Variants in TYW1B observed in about 807,000 individuals in gnomAD.
The protein encoded by TYW1B is tRNA-yW synthesizing protein 1 homolog B, also known as S-adenosyl-L-methionine-dependent tRNA 4-demethylwyosine synthase TYW1B.
Under a neutral mutation model 86.9 loss-of-function variants are expected in TYW1B, and 73 were observed. The ratio of observed to expected loss-of-function variants is 0.84; its 90% CI spans 0.70 to 1.02. TYW1B has a LOEUF of 1.02. TYW1B is among the 50% of genes least tolerant of loss of function. TYW1B has a pLI of 0.00. For missense variants in TYW1B, 637 were observed against 827.4 expected, an observed-to-expected ratio of 0.77 and a Z score of 2.82; for synonymous variants, 248 against 292.8, an observed-to-expected ratio of 0.85 and a Z score of 1.56.
chr7:72,682,274 T>C (rs1563057610), intron 11 of TYW1B, among the ~76,000 whole-genome samples: 1 of 151,778 alleles, frequency 6.6e-6, no homozygotes, highest in South Asian at 2.1e-4. Context: ...GAACAGCACA[T>C]ATATCAAGTT....
At chr7:72,620,074 C>A (rs1406383857) in intron 12 of TYW1B, among the ~76,000 whole-genome samples, 1 of 152,134 alleles carries the variant, frequency 6.6e-6, no homozygotes, top group African/African-American at 2.4e-5. Flanking sequence ...GGTATTTTCA[C>A]ATAAAAGTTC....
At chr7:72,783,270 C>T (rs1462389098) in intron 6 of TYW1B, among the ~76,000 whole-genome samples, 5 of 151,100 alleles carry the variant, frequency 3.3e-5, no homozygotes, top group African/African-American at 9.7e-5. Context: ...TGGTGGCATG[C>T]GCTTGTGGTC....
At chr7:72,808,754 C>T (rs545508464) in intron 4 of TYW1B, among the ~76,000 whole-genome samples, 16 of 151,920 alleles carry the variant, frequency 1.1e-4, no homozygotes, top group South Asian at 4.2e-4. Flanking sequence ...GTCGAACTCC[C>T]GACCTCAGGT....
At position 72,798,039 on chromosome 7, in the gene TYW1B, G is replaced by A. The variant is rs76297006; in HGVS notation, c.846+4361C>T. Among the ~76,000 whole-genome samples the A allele has an allele frequency of 8.3e-3, 1,177 of 142,242 alleles. 5 individuals are homozygous for A. Among genetic ancestry groups the A allele is most frequent in the African/African-American group, 0.02 (732 of 37,170 alleles). 93.3% of individuals were successfully genotyped at this position (142,242 alleles called of 152,430 possible). ...CACACACACACACACACACACACAC[G>A]CACACACATATATACATGCATATTT... On this transcript the variant is annotated intron_variant, in intron 6 of 13. Coordinates refer to ENST00000620995, the MANE Select transcript of TYW1B (RefSeq NM_001145440.3).
chr7:72,664,377 A>G (rs6966399), intron 11 of TYW1B, among the ~76,000 whole-genome samples: 128,613 of 152,036 alleles, frequency 0.85, 54,571 homozygotes, highest in Middle Eastern at 0.88. Context: ...ACTAGTAGAT[A>G]ACTAGTTGCC....
At chr7:72,752,983 A>C (rs939542619) in intron 7 of TYW1B, among the ~76,000 whole-genome samples, 1 of 152,170 alleles carries the variant, frequency 6.6e-6, no homozygotes, top group Non-Finnish European at 1.5e-5. Flanking sequence ...AAGGGGAAAA[A>C]GTCACCATTT....
intron 11 of TYW1B, among the ~76,000 whole-genome samples, chr7:72,632,367 G>GTATATATAATATATATATATA (rs1195035421): frequency 1.7e-5 from 1 of 60,468 alleles, no homozygotes; most frequent in South Asian, 4.8e-4. Context: ...ATATATATAC[G>GTATATATAATATATATATATA]CATATATATT....
intron 6 of TYW1B, among the ~76,000 whole-genome samples, chr7:72,799,138 T>G (rs1436902056): frequency 7.0e-6 from 1 of 142,136 alleles, no homozygotes; most frequent in Non-Finnish European, 1.5e-5. Context: ...CCACGGCAAC[T>G]GACCGGGTCT....
intron 11 of TYW1B, among the ~76,000 whole-genome samples, chr7:72,677,160 T>G (rs1298275254): frequency 7.9e-5 from 12 of 152,136 alleles, no homozygotes; most frequent in African/African-American, 2.7e-4. Flanking sequence ...GATTCATTCA[T>G]TCATTCGAGA....
intron 13 of TYW1B, among the ~76,000 whole-genome samples, chr7:72,596,741 A>G (rs1349359177): frequency 3.3e-5 from 5 of 152,166 alleles, no homozygotes; most frequent in African/African-American, 9.7e-5. Context: ...GTGGGTATGG[A>G]GAATAGGCAA....
Position 72,807,339 on chromosome 7 carries a change from G to A in TYW1B, c.450C>T (p.Asp150=). 1 of 1,611,532 alleles carries A rather than the reference G, an allele frequency of 6.2e-7. No homozygotes were observed. Among genetic ancestry groups the A allele is most frequent in the Non-Finnish European group, 8.5e-7 (1 of 1,177,792 alleles). Residue 150 remains aspartate, a synonymous_variant, in exon 5 of 14, where the codon GAC becomes GAT. Transcript: ENST00000620995. ...GCACGCCAAGCATCCAGAGCCACTTGTCAACATTTTTGCCAACCTGCGAGG... is the reference window on the plus strand; with the variant it reads ...GCACGCCAAGCATCCAGAGCCACTTATCAACATTTTTGCCAACCTGCGAGG... The part of the protein sequence containing the change: ...SHFNKVGKNV[D]KWLWMLGVHR...
chr7:72,576,580 T>C lies in TYW1B; in HGVS notation c.1786-861A>G, dbSNP rs535210324. ...CAGGCTGGAGTGTAGTGGCCTGATC[T>C]CGGCTCACTGCAAGCTCCGCCTCCT... On this transcript the variant is annotated intron_variant, in intron 13 of 13. Transcript: ENST00000620995. Among the ~76,000 whole-genome samples the C allele has an allele frequency of 4.3e-3, 639 of 149,300 alleles. 5 individuals are homozygous for C. Among genetic ancestry groups the C allele is most frequent in the African/African-American group, 0.014 (578 of 40,590 alleles).
At chr7:72,785,413 AT>A (rs1382374506) in intron 6 of TYW1B, among the ~76,000 whole-genome samples, 1 of 147,686 alleles carries the variant, frequency 6.8e-6, no homozygotes, top group East Asian at 1.9e-4. Flanking sequence ...TTCTAATATA[AT>A]TATATAATTA....
chr7:72,784,919 C>T (rs1383607719), intron 6 of TYW1B, among the ~76,000 whole-genome samples: 3 of 152,066 alleles, frequency 2.0e-5, no homozygotes, highest in African/African-American at 7.2e-5. Flanking sequence ...GCCCCCTCCA[C>T]TGCAGGACTT....
At chr7:72,692,968 G>A (rs181975818) in intron 11 of TYW1B, among the ~76,000 whole-genome samples, 4 of 152,182 alleles carry the variant, frequency 2.6e-5, no homozygotes, top group African/African-American at 4.8e-5. Flanking sequence ...CAAAGTAAGC[G>A]CTGGGCACAG....
chr7:72,623,088 A>C (rs1202900871), intron 12 of TYW1B, among the ~76,000 whole-genome samples: 1 of 152,226 alleles, frequency 6.6e-6, no homozygotes, highest in Non-Finnish European at 1.5e-5. Flanking sequence ...CAAAATGAGA[A>C]AAAGAAGTTG....
At chr7:72,694,885 T>C in intron 10 of TYW1B, 63 bp from the exon 11 acceptor site, 1 of 1,552,702 alleles carries the variant, frequency 6.4e-7, no homozygotes, top group South Asian at 1.3e-5. Context: ...CTTTCCATGA[T>C]ATAAAACCTG....
chr7:72,593,714 C>T (rs1486659343), intron 13 of TYW1B, among the ~76,000 whole-genome samples: 2 of 148,682 alleles, frequency 1.3e-5, no homozygotes, highest in East Asian at 2.0e-4. Flanking sequence ...CCCAGCTACT[C>T]GGGAGGCTGA....
chr7:72,596,730 C>T (rs1434157831), intron 13 of TYW1B, among the ~76,000 whole-genome samples: 23 of 151,990 alleles, frequency 1.5e-4, no homozygotes, highest in African/African-American at 5.3e-4. Context: ...GCAGTGATTT[C>T]GTGGGTATGG....
Sources: allele counts gnomAD v4.1 joint callset (sites outside exome capture counted in the v4.1 genomes callset), GRCh38; gene constraint gnomAD v4.1.1; transcripts MANE v1.5; gene names NCBI Gene and HGNC (gene_info 2026-07-23, HGNC 2026-07-21).